Variants in SLC25A24 observed in about 807,000 individuals in gnomAD.
SLC25A24 encodes the protein mitochondrial adenyl nucleotide antiporter SLC25A24.
A neutral mutation model predicts 60.7 loss-of-function variants in SLC25A24; 49 were observed. The observed-to-expected ratio is 0.81, with a 90% CI of 0.64 to 1.02. The LOEUF (loss-of-function observed/expected upper bound fraction) is 1.02, where lower values mean the gene tolerates loss of function less well. Among genes scored for constraint, SLC25A24 ranks in the 50% least tolerant of loss-of-function variants. The pLI, the probability that SLC25A24 is intolerant of heterozygous loss-of-function variation, is 0.00. For synonymous variants in SLC25A24, 202 were observed against 200.6 expected, an observed-to-expected ratio of 1.01 and a Z score of -0.06; for missense variants, 564 against 586.3, an observed-to-expected ratio of 0.96 and a Z score of 0.39.
At chr1:108,161,160 T>C (rs1423892232) in intron 4 of SLC25A24, 22 bp downstream of exon 4, 2 of 1,259,118 alleles carry the variant, frequency 1.6e-6, no homozygotes, top group African/African-American at 2.9e-5. Context: ...CAAATAAGTA[T>C]AAATACATAA....
intron 6 of SLC25A24, among the ~76,000 whole-genome samples, chr1:108,151,191 A>G (rs1679745861): frequency 6.6e-6 from 1 of 152,000 alleles, no homozygotes; most frequent in Non-Finnish European, 1.5e-5. Context: ...ATAAAGTGAG[A>G]CTCCATCTCA....
chr1:108,172,823 T>C lies in SLC25A24; in HGVS notation c.398+9118A>G, dbSNP rs1010401574. Among the ~76,000 whole-genome samples the C allele has an allele frequency of 2.0e-5, 3 of 152,150 alleles. No homozygotes were observed. In the South Asian group the frequency reaches 6.2e-4, roughly 31 times the overall value. On this transcript the variant is annotated intron_variant, in intron 3 of 9. Coordinates refer to ENST00000565488, the MANE Select transcript of SLC25A24 (RefSeq NM_013386.5). ...GGCTTAGCACTTGAGGGAAGGTCCA[T>C]GATGGTTATATAACTACAGGAAACT...
At chr1:108,167,466 G>A (rs550377040) in intron 3 of SLC25A24, among the ~76,000 whole-genome samples, 17 of 152,184 alleles carry the variant, frequency 1.1e-4, no homozygotes, top group South Asian at 4.1e-4. Flanking sequence ...AGGACCCTCC[G>A]AGCCAGGTGC....
chr1:108,182,746 T>C (rs533252383), intron 2 of SLC25A24, among the ~76,000 whole-genome samples: 1 of 152,108 alleles, frequency 6.6e-6, no homozygotes, highest in South Asian at 2.1e-4. Context: ...AAGAGGAAAA[T>C]TGCTTGAAGC....
At chr1:108,156,331 GAA>G (rs756555889) in intron 5 of SLC25A24, among the ~76,000 whole-genome samples, 3 of 152,270 alleles carry the variant, frequency 2.0e-5, no homozygotes, top group Non-Finnish European at 4.4e-5. Context: ...CAAATTTGCA[GAA>G]ACTAAATTCC....
At chr1:108,147,160 G>C (rs1454006514) in intron 7 of SLC25A24, among the ~76,000 whole-genome samples, 1 of 152,150 alleles carries the variant, frequency 6.6e-6, no homozygotes, top group Admixed American at 6.5e-5. Context: ...TATGTGTCCA[G>C]GAATTTATCC....
Position 108,136,521 on chromosome 1 carries a change from T to C in SLC25A24, c.*132A>G, listed in dbSNP as rs575093838. ...TTAGCCCAAAAGTTTGAAGTGACCATTGTTACCATCTTCCCTTTTGTGAAA... is the reference window on the plus strand; with the variant it reads ...TTAGCCCAAAAGTTTGAAGTGACCACTGTTACCATCTTCCCTTTTGTGAAA... On this transcript the variant is annotated 3_prime_UTR_variant, in exon 10 of 10. Coordinates refer to ENST00000565488, the MANE Select transcript of SLC25A24 (RefSeq NM_013386.5). 6.3e-5 allele frequency: 44 copies of C among 696,718 alleles called. No individual in the cohort carries two copies. Among genetic ancestry groups the C allele is most frequent in the African/African-American group, 4.9e-4 (27 of 55,620 alleles). 43.2% of individuals were successfully genotyped at this position (696,718 alleles called of 1,614,324 possible). A position where few individuals can be genotyped will look rare whatever the true frequency, so the allele number is the denominator to read the frequency against.
At chr1:108,143,495 A>T (rs761945999) in intron 8 of SLC25A24, 48 bp downstream of exon 8, 22 of 1,513,026 alleles carry the variant, frequency 1.5e-5, no homozygotes, top group Middle Eastern at 3.5e-4. Context: ...TCCAATTCTA[A>T]CAAGATCTAA....
intron 9 of SLC25A24, among the ~76,000 whole-genome samples, chr1:108,137,634 C>CT: frequency 6.6e-6 from 1 of 152,292 alleles, no homozygotes; most frequent in African/African-American, 2.4e-5. Flanking sequence ...AAATGACAGT[C>CT]TATCAGCCAT....
intron 1 of SLC25A24, among the ~76,000 whole-genome samples, chr1:108,189,389 T>C (rs1648262582): frequency 6.6e-6 from 1 of 152,236 alleles, no homozygotes; most frequent in South Asian, 2.1e-4. Flanking sequence ...CTGAGTAGCA[T>C]GATAAAATCT....
At chr1:108,139,251 A>G (rs1679378454) in intron 8 of SLC25A24, 43 bp from the exon 9 acceptor site, 1 of 1,540,650 alleles carries the variant, frequency 6.5e-7, no homozygotes. Context: ...GAACTCTACA[A>G]CTTCAACGTA....
intron 6 of SLC25A24, among the ~76,000 whole-genome samples, chr1:108,149,267 T>C (rs1329623446): frequency 2.0e-5 from 3 of 152,290 alleles, no homozygotes; most frequent in East Asian, 1.9e-4. Context: ...TGACCCAACA[T>C]AGCTAACTGG....
At chr1:108,182,795 T>C (rs1035519095) in intron 2 of SLC25A24, among the ~76,000 whole-genome samples, 23 of 151,924 alleles carry the variant, frequency 1.5e-4, no homozygotes, top group African/African-American at 4.1e-4. Context: ...ATCGCGCCAC[T>C]GCACCCCAGC....
At chr1:108,155,246 T>C in intron 5 of SLC25A24, 111 bp from the exon 6 acceptor site, 2 of 949,230 alleles carry the variant, frequency 2.1e-6, no homozygotes, top group Non-Finnish European at 3.0e-6. Context: ...AGAAGATATA[T>C]TTGAAAATAA....
intron 3 of SLC25A24, among the ~76,000 whole-genome samples, chr1:108,174,112 A>G (rs1244344671): frequency 6.6e-6 from 1 of 152,256 alleles, no homozygotes; most frequent in Admixed American, 6.5e-5. Flanking sequence ...CAAGGAGTGA[A>G]ATGTTAATCA....
intron 1 of SLC25A24, among the ~76,000 whole-genome samples, chr1:108,188,369 T>G (rs959671120): frequency 9.2e-5 from 14 of 152,038 alleles, no homozygotes; most frequent in African/African-American, 2.9e-4. Context: ...CCTCCAAATC[T>G]CAACTAAAAG....
At position 108,134,145 on chromosome 1, in the gene SLC25A24, G is replaced by C. The variant is rs1472893985; in HGVS notation, c.*2508C>G. 6.6e-6 allele frequency: 1 copy of C among 152,248 alleles called. No homozygotes were observed. The highest frequency in any genetic ancestry group is 1.5e-5 in the Non-Finnish European group (1 of 68,058). The allele number at this position is 152,248 out of a possible 1,614,324, so 9.4% of individuals were successfully genotyped here. A position where few individuals can be genotyped will look rare whatever the true frequency, so the allele number is the denominator to read the frequency against. ...ACAAAGATTCCCTGAGAACAGAGGA[G>C]CAGATGCTGGCAATTGCACACAGAG... On this transcript the variant is annotated 3_prime_UTR_variant, in exon 10 of 10. Transcript: ENST00000565488.
At chr1:108,150,689 A>G (rs530093245) in intron 6 of SLC25A24, among the ~76,000 whole-genome samples, 113 of 152,278 alleles carry the variant, frequency 7.4e-4, no homozygotes, top group African/African-American at 2.7e-3. Context: ...AACACGTATA[A>G]GAAGAGTTCT....
intron 3 of SLC25A24, among the ~76,000 whole-genome samples, chr1:108,166,384 A>G (rs1680253434): frequency 6.6e-6 from 1 of 151,780 alleles, no homozygotes; most frequent in Admixed American, 6.6e-5. Context: ...TATCCTGCAG[A>G]GTGTTTTCCA....
Sources: gnomAD v4.1 joint callset for allele counts (sites outside exome capture counted in the v4.1 genomes callset) on GRCh38, gnomAD v4.1.1 for gene constraint, MANE v1.5 for transcripts, NCBI Gene and HGNC (gene_info 2026-07-23, HGNC 2026-07-21) for gene names.